EPHA6: variants seen among roughly 807,000 people sequenced by gnomAD.
EPHA6 encodes the protein EPH receptor A6.
A neutral mutation model predicts 112.0 loss-of-function variants in EPHA6; 50 were observed. That is an observed-to-expected ratio of 0.45 (90% CI 0.36 to 0.56). The LOEUF is 0.56. Among genes scored for constraint, EPHA6 ranks in the 20% least tolerant of loss-of-function variants. The probability of loss-of-function intolerance (pLI) is 0.00; values close to 1 mark genes in which losing one functional copy is unlikely to be tolerated. For missense variants in EPHA6, 1,280 were observed against 1,417.4 expected, an observed-to-expected ratio of 0.90 and a Z score of 1.56; for synonymous variants, 529 against 490.7, an observed-to-expected ratio of 1.08 and a Z score of -1.03.
At chr3:97,273,716 A>C (rs2108646435) in intron 5 of EPHA6, among the ~76,000 whole-genome samples, 1 of 152,206 alleles carries the variant, frequency 6.6e-6, no homozygotes, top group Non-Finnish European at 1.5e-5. Context: ...AGCCTGAAAA[A>C]CTGCTTGGCT....
chr3:97,541,859 TAGA>T (rs1413993265), intron 11 of EPHA6, among the ~76,000 whole-genome samples: 1 of 151,796 alleles, frequency 6.6e-6, no homozygotes, highest in Non-Finnish European at 1.5e-5. Context: ...AGGGTTCTCT[TAGA>T]AGGACAGAAC....
chr3:96,970,242 CACACACACACACACACACACACACAA>C (rs555428060), intron 2 of EPHA6, among the ~76,000 whole-genome samples: 1 of 146,296 alleles, frequency 6.8e-6, no homozygotes, highest in Non-Finnish European at 1.5e-5. Context: ...TCTTCATACA[CACACACACACACACACACACACACAA>C]ACACACACAC....
intron 2 of EPHA6, among the ~76,000 whole-genome samples, chr3:96,925,848 C>CACCTGCCTTGGCCTCCCAAAGTGCA (rs1404086724): frequency 2.0e-5 from 3 of 152,068 alleles, no homozygotes; most frequent in African/African-American, 7.2e-5. Context: ...TCAGGTGATC[C>CACCTGCCTTGGCCTCCCAAAGTGCA]ACCTGCCTTG....
intron 2 of EPHA6, among the ~76,000 whole-genome samples, chr3:96,985,635 T>C (rs2042994180): frequency 6.6e-6 from 1 of 152,198 alleles, no homozygotes; most frequent in Non-Finnish European, 1.5e-5. Flanking sequence ...AAATTAAATA[T>C]ACAATTCAAA....
chr3:97,235,796 C>T (rs2078661070), intron 4 of EPHA6, among the ~76,000 whole-genome samples: 2 of 152,014 alleles, frequency 1.3e-5, no homozygotes, highest in Non-Finnish European at 2.9e-5. Flanking sequence ...TTAACTTTAC[C>T]AGGATTTCTC....
chr3:96,845,871 A>G (rs2035045255), intron 1 of EPHA6, among the ~76,000 whole-genome samples: 1 of 151,982 alleles, frequency 6.6e-6, no homozygotes, highest in Non-Finnish European at 1.5e-5. Context: ...TAATCTTGTC[A>G]TGAGTAGTGA....
chr3:97,419,306 AAAACAAAC>A (rs201122919), intron 6 of EPHA6, among the ~76,000 whole-genome samples: 3,862 of 151,430 alleles, frequency 0.026, 161 homozygotes, highest in African/African-American at 0.084. Context: ...TCCATCACAA[AAAACAAAC>A]AAACAAACAA....
rs531442325 is a variant in EPHA6 at position 97,241,421 on chromosome 3, A to G, written c.1271-2531A>G. On this transcript the variant is annotated intron_variant, in intron 4 of 17. Transcript: ENST00000389672. ...ATAAGGAAATACCTGGGAGTTTTCAATACAGATGTCTCCAAAAGTATTATT... is the reference window on the plus strand; with the variant it reads ...ATAAGGAAATACCTGGGAGTTTTCAGTACAGATGTCTCCAAAAGTATTATT... Among the ~76,000 whole-genome samples, 11 of 151,972 alleles carry G rather than the reference A, an allele frequency of 7.2e-5. No individual in the cohort carries two copies. The South Asian group carries it at 1.5e-3, about 20-fold the overall frequency.
intron 5 of EPHA6, among the ~76,000 whole-genome samples, chr3:97,346,044 T>A (rs2083514551): frequency 6.6e-6 from 1 of 152,124 alleles, no homozygotes; most frequent in Non-Finnish European, 1.5e-5. Flanking sequence ...CTCATAAAAA[T>A]CTATACTGCA....
At chr3:97,743,308 A>G (rs1344623596) in intron 16 of EPHA6, among the ~76,000 whole-genome samples, 6 of 152,116 alleles carry the variant, frequency 3.9e-5, no homozygotes, top group South Asian at 4.1e-4. Context: ...ATGAACTCCT[A>G]TAATGTTTTC....
At chr3:97,406,630 G>T (rs2087365200) in intron 6 of EPHA6, among the ~76,000 whole-genome samples, 1 of 152,072 alleles carries the variant, frequency 6.6e-6, no homozygotes, top group Non-Finnish European at 1.5e-5. Context: ...GTTAATCTAG[G>T]TTTGATAATG....
intron 2 of EPHA6, among the ~76,000 whole-genome samples, chr3:96,957,925 C>T (rs187920726): frequency 5.3e-5 from 8 of 152,214 alleles, no homozygotes; most frequent in Admixed American, 2.6e-4. Flanking sequence ...GACCAAAAGA[C>T]GTAGAGAAAA....
At chr3:96,930,163 T>A (rs755612318) in intron 2 of EPHA6, among the ~76,000 whole-genome samples, 12 of 152,220 alleles carry the variant, frequency 7.9e-5, no homozygotes, top group Non-Finnish European at 1.5e-4. Context: ...GGTTACAATA[T>A]GTTACTTTAG....
At chr3:97,118,839 C>CGTAGTTTA (rs1559739660) in intron 3 of EPHA6, among the ~76,000 whole-genome samples, 1 of 151,844 alleles carries the variant, frequency 6.6e-6, no homozygotes, top group African/African-American at 2.4e-5. Context: ...AAAATACTCT[C>CGTAGTTTA]GTAGTTTAAC....
chr3:97,420,256 A>G (rs1221457974), intron 6 of EPHA6, among the ~76,000 whole-genome samples: 2 of 151,936 alleles, frequency 1.3e-5, no homozygotes, highest in African/African-American at 2.4e-5. Flanking sequence ...CCTTTGATAC[A>G]TCATTCCATT....
At chr3:97,071,761 G>T (rs1303367826) in intron 3 of EPHA6, among the ~76,000 whole-genome samples, 1 of 151,966 alleles carries the variant, frequency 6.6e-6, no homozygotes, top group African/African-American at 2.4e-5. Flanking sequence ...AGGGGAACAG[G>T]TGGTGTTTGG....
intron 1 of EPHA6, among the ~76,000 whole-genome samples, chr3:96,822,941 G>A (rs879301771): frequency 6.6e-6 from 1 of 151,324 alleles, no homozygotes; most frequent in Non-Finnish European, 1.5e-5. Context: ...CCTACTTGTG[G>A]TAATTATATT....
chr3:96,984,054 G>C (rs112861650), intron 2 of EPHA6, among the ~76,000 whole-genome samples: 1 of 152,084 alleles, frequency 6.6e-6, no homozygotes, highest in Non-Finnish European at 1.5e-5. Flanking sequence ...CTCTCAACTC[G>C]TCAACGTCAT....
At chr3:96,925,619 T>C (rs1454989919) in intron 2 of EPHA6, among the ~76,000 whole-genome samples, 16 of 148,986 alleles carry the variant, frequency 1.1e-4, no homozygotes, top group Middle Eastern at 6.8e-3. Context: ...TTTTTTTTTT[T>C]CCCAAGACAG....
Sources: gnomAD v4.1 joint callset for allele counts (sites outside exome capture counted in the v4.1 genomes callset) on GRCh38, gnomAD v4.1.1 for gene constraint, MANE v1.5 for transcripts, NCBI Gene and HGNC (gene_info 2026-07-23, HGNC 2026-07-21) for gene names.